FRMD5: variants seen among roughly 807,000 people sequenced by gnomAD.
FRMD5 encodes FERM domain-containing protein 5.
FRMD5 carries 20 observed loss-of-function variants against 69.0 expected under a neutral mutation model. That is an observed-to-expected ratio of 0.29 (90% CI 0.20 to 0.42). The LOEUF is 0.42. Among genes scored for constraint, FRMD5 ranks in the 10% least tolerant of loss-of-function variants. FRMD5 has a pLI of 1.00. For synonymous variants in FRMD5, 271 were observed against 260.1 expected, an observed-to-expected ratio of 1.04 and a Z score of -0.40; for missense variants, 595 against 708.6, an observed-to-expected ratio of 0.84 and a Z score of 1.82.
chr15:43,941,912 T>C (rs1323936531), intron 1 of FRMD5, among the ~76,000 whole-genome samples: 1 of 152,244 alleles, frequency 6.6e-6, no homozygotes, highest in Non-Finnish European at 1.5e-5. Flanking sequence ...AATATTTTCT[T>C]ACCTCTAAGA....
intron 1 of FRMD5, among the ~76,000 whole-genome samples, chr15:44,157,212 C>T (rs965410467): frequency 1.3e-5 from 2 of 152,198 alleles, no homozygotes; most frequent in Non-Finnish European, 2.9e-5. Context: ...CTAGAGGAAG[C>T]CTCCTTTCTT....
At chr15:43,881,023 ACT>A (rs2088512729) in intron 13 of FRMD5, among the ~76,000 whole-genome samples, 1 of 151,778 alleles carries the variant, frequency 6.6e-6, no homozygotes, top group Admixed American at 6.6e-5. Flanking sequence ...CTTGGCAGCA[ACT>A]CTCAGTGAGT....
chr15:44,005,471 CAAAAAAA>C (rs55839205), intron 1 of FRMD5, among the ~76,000 whole-genome samples: 82 of 69,442 alleles, frequency 1.2e-3, no homozygotes, highest in African/African-American at 3.6e-3. Flanking sequence ...AACTCCATCT[CAAAAAAA>C]AAAAAAAAAA....
intron 7 of FRMD5, among the ~76,000 whole-genome samples, chr15:43,898,552 CA>C (rs553761173): frequency 1.1e-3 from 174 of 152,338 alleles, no homozygotes; most frequent in African/African-American, 4.0e-3. Flanking sequence ...TGAACCGTAA[CA>C]GGACATCTCC....
At chr15:44,091,567 C>T (rs2076473297) in intron 1 of FRMD5, among the ~76,000 whole-genome samples, 1 of 152,070 alleles carries the variant, frequency 6.6e-6, no homozygotes, top group Non-Finnish European at 1.5e-5. Context: ...TAAATCACAG[C>T]ACATTAATGT....
At chr15:43,885,588 T>C in intron 11 of FRMD5, 93 bp downstream of exon 11, 2 of 1,057,730 alleles carry the variant, frequency 1.9e-6, no homozygotes, top group South Asian at 2.5e-5. Flanking sequence ...GAGTCCTCCC[T>C]GGTTTCTCTG....
At chr15:44,058,106 C>A (rs1375608215) in intron 1 of FRMD5, among the ~76,000 whole-genome samples, 2 of 152,146 alleles carry the variant, frequency 1.3e-5, no homozygotes. Flanking sequence ...CCAAATCTCA[C>A]AAATCCAATA....
intron 4 of FRMD5, 26 bp from the exon 5 acceptor site, chr15:43,910,005 A>C: frequency 7.6e-7 from 1 of 1,310,800 alleles, no homozygotes; most frequent in Non-Finnish European, 1.1e-6. Context: ...AGAATAAACT[A>C]TAAAGGATTT....
At chr15:44,117,060 G>C (rs1018989200) in intron 1 of FRMD5, among the ~76,000 whole-genome samples, 1 of 150,648 alleles carries the variant, frequency 6.6e-6, no homozygotes, top group Admixed American at 6.6e-5. Flanking sequence ...AGCTGAGATC[G>C]CACCATTGCA....
At chr15:44,045,773 T>C (rs921532169) in intron 1 of FRMD5, among the ~76,000 whole-genome samples, 4 of 152,196 alleles carry the variant, frequency 2.6e-5, no homozygotes, top group Non-Finnish European at 5.9e-5. Flanking sequence ...ACCCATTCTC[T>C]TTGATAAGTG....
At chr15:44,142,816 C>T (rs982422568) in intron 1 of FRMD5, among the ~76,000 whole-genome samples, 1 of 152,142 alleles carries the variant, frequency 6.6e-6, no homozygotes, top group Admixed American at 6.5e-5. Flanking sequence ...TAGGCCGGGC[C>T]GCAGTGGCTC....
At chr15:43,982,691 GT>G (rs2090566709) in intron 1 of FRMD5, among the ~76,000 whole-genome samples, 1 of 152,052 alleles carries the variant, frequency 6.6e-6, no homozygotes, top group Admixed American at 6.6e-5. Flanking sequence ...CTACCAAGAA[GT>G]TTTTAAAGAA....
At chr15:44,007,008 A>C (rs2140195566) in intron 1 of FRMD5, among the ~76,000 whole-genome samples, 1 of 152,336 alleles carries the variant, frequency 6.6e-6, no homozygotes, top group Admixed American at 6.5e-5. Context: ...GGAAGAGTCC[A>C]CTGATGTGCC....
chr15:43,973,171 C>T (rs1373763630), intron 1 of FRMD5, among the ~76,000 whole-genome samples: 2 of 152,098 alleles, frequency 1.3e-5, no homozygotes, highest in African/African-American at 4.8e-5. Flanking sequence ...TACAGACGCC[C>T]GCCACCACGC....
chr15:43,889,271 CAAGATACAGCAAAT>C (rs2088740002), intron 8 of FRMD5, among the ~76,000 whole-genome samples: 2 of 152,140 alleles, frequency 1.3e-5, no homozygotes, highest in Admixed American at 1.3e-4. Flanking sequence ...GGCCAAAGTT[CAAGATACAGCAAAT>C]AATGAGAAAC....
At chr15:44,046,975 A>T (rs1293255809) in intron 1 of FRMD5, among the ~76,000 whole-genome samples, 1 of 152,104 alleles carries the variant, frequency 6.6e-6, no homozygotes, top group Non-Finnish European at 1.5e-5. Context: ...CTTTACTGTG[A>T]GGACGTCCTC....
upstream of FRMD5, among the ~76,000 whole-genome samples, chr15:44,196,689 A>ATTT (rs374948519): frequency 4.7e-3 from 563 of 121,042 alleles, 20 homozygotes; most frequent in African/African-American, 0.016. Flanking sequence ...ATTTTCCCCA[A>ATTT]TTTTTTTTTT....
At chr15:44,176,472 C>G (rs2077896342) in intron 1 of FRMD5, among the ~76,000 whole-genome samples, 1 of 151,872 alleles carries the variant, frequency 6.6e-6, no homozygotes, top group African/African-American at 2.4e-5. Flanking sequence ...TTGGGTTAGG[C>G]AATGATTTCT....
chr15:44,100,866 T>C (rs1220385563), intron 1 of FRMD5, among the ~76,000 whole-genome samples: 2 of 152,032 alleles, frequency 1.3e-5, no homozygotes, highest in African/African-American at 4.8e-5. Flanking sequence ...AAACTAGTCT[T>C]GGGGCCAGGC....
Sources: gnomAD v4.1 joint callset for allele counts (sites outside exome capture counted in the v4.1 genomes callset) on GRCh38, gnomAD v4.1.1 for gene constraint, MANE v1.5 for transcripts, NCBI Gene and HGNC (gene_info 2026-07-23, HGNC 2026-07-21) for gene names.